Variants in RPH3A observed in about 807,000 individuals in gnomAD.
The protein encoded by RPH3A is rabphilin-3A.
Under a neutral mutation model 102.2 loss-of-function variants are expected in RPH3A, and 48 were observed. That is an observed-to-expected ratio of 0.47 (90% CI 0.37 to 0.60). RPH3A has a LOEUF of 0.60. Among genes scored for constraint, RPH3A ranks in the 20% least tolerant of loss-of-function variants. RPH3A has a pLI of 0.00. For synonymous variants in RPH3A, 310 were observed against 324.3 expected (o/e 0.96, Z 0.47); for missense variants, 781 against 910.1 (o/e 0.86, Z 1.83).
At chr12:112,694,642 G>GCACA (rs2040334399) in intron 1 of RPH3A, among the ~76,000 whole-genome samples, 1 of 140,326 alleles carries the variant, frequency 7.1e-6, no homozygotes, top group African/African-American at 2.8e-5. Flanking sequence ...ACGCGCGCGC[G>GCACA]CGCACACGCA....
chr12:112,668,885 C>A lies in RPH3A; in HGVS notation c.-140+93566C>A, dbSNP rs1045920977. Among the ~76,000 whole-genome samples the A allele has an allele frequency of 3.3e-5, 5 of 151,750 alleles. No homozygotes were observed. In the East Asian group the frequency reaches 9.6e-4, roughly 29 times the overall value. ...CAGCATCCTCAATGCTGCCCTGATTCGACATCCTCAGAACTCCTCATGGCT... is the reference window on the plus strand; with the variant it reads ...CAGCATCCTCAATGCTGCCCTGATTAGACATCCTCAGAACTCCTCATGGCT... On this transcript the variant is annotated intron_variant, in intron 1 of 21. Coordinates refer to the RPH3A transcript ENST00000543106.
At chr12:112,674,375 T>C (rs1014267202) in intron 1 of RPH3A, among the ~76,000 whole-genome samples, 2 of 152,142 alleles carry the variant, frequency 1.3e-5, no homozygotes, top group African/African-American at 4.8e-5. Flanking sequence ...CTGAGATGCA[T>C]GCCAAGCCTT....
intron 2 of RPH3A, among the ~76,000 whole-genome samples, chr12:112,817,198 T>C: frequency 6.6e-6 from 1 of 152,190 alleles, no homozygotes; most frequent in East Asian, 1.9e-4. Flanking sequence ...ACTATCATTG[T>C]TGATCCACAG....
chr12:112,881,890 C>G (rs371576905), intron 15 of RPH3A, 44 bp downstream of exon 15: 317 of 1,503,882 alleles, frequency 2.1e-4, no homozygotes, highest in Non-Finnish European at 2.7e-4. Flanking sequence ...GTGCATGGGC[C>G]CTGGCAGATA....
At chr12:112,801,061 G>C (rs985385880) in intron 2 of RPH3A, among the ~76,000 whole-genome samples, 2 of 152,182 alleles carry the variant, frequency 1.3e-5, no homozygotes, top group African/African-American at 4.8e-5. Context: ...TTGGCAAAGG[G>C]GATGACACCC....
chr12:112,811,569 G>C (rs2136121958), intron 2 of RPH3A, among the ~76,000 whole-genome samples: 1 of 150,092 alleles, frequency 6.7e-6, no homozygotes, highest in African/African-American at 2.4e-5. Context: ...CAGCATAACA[G>C]CTGAAACAAG....
intron 1 of RPH3A, among the ~76,000 whole-genome samples, chr12:112,692,451 TA>T (rs571492736): frequency 7.1e-4 from 108 of 152,156 alleles, no homozygotes; most frequent in African/African-American, 2.6e-3. Context: ...CTGTGTCAAT[TA>T]AAATAAAAGA....
At chr12:112,627,374 A>G (rs532806233) in intron 1 of RPH3A, among the ~76,000 whole-genome samples, 5 of 148,838 alleles carry the variant, frequency 3.4e-5, no homozygotes, top group South Asian at 4.2e-4. Flanking sequence ...ACATAATATA[A>G]ATTATTATAT....
At chr12:112,728,225 A>G (rs2040608754) in intron 1 of RPH3A, among the ~76,000 whole-genome samples, 1 of 152,194 alleles carries the variant, frequency 6.6e-6, no homozygotes, top group South Asian at 2.1e-4. Flanking sequence ...ATGGCAATTT[A>G]TCACCAGTTT....
At chr12:112,828,266 T>C (rs1366927679) in intron 2 of RPH3A, 35 bp from the exon 3 acceptor site, 8 of 1,430,564 alleles carry the variant, frequency 5.6e-6, no homozygotes, top group South Asian at 1.2e-5. Context: ...GGCTGAATGA[T>C]GGGGTGATGT....
intron 1 of RPH3A, among the ~76,000 whole-genome samples, chr12:112,617,044 G>GT (rs781074426): frequency 6.6e-6 from 1 of 152,162 alleles, no homozygotes; most frequent in Non-Finnish European, 1.5e-5. Context: ...CAAGAAGACA[G>GT]TTTTTTCCCT....
At chr12:112,723,130 C>T (rs1187744498) in intron 1 of RPH3A, among the ~76,000 whole-genome samples, 1 of 152,092 alleles carries the variant, frequency 6.6e-6, no homozygotes, top group Non-Finnish European at 1.5e-5. Context: ...ATACAGTTGG[C>T]CCTTGAGCAG....
intron 2 of RPH3A, among the ~76,000 whole-genome samples, chr12:112,793,583 G>C (rs2041168701): frequency 6.6e-6 from 1 of 152,190 alleles, no homozygotes; most frequent in Non-Finnish European, 1.5e-5. Flanking sequence ...TCAAAGATTT[G>C]GTTCTCAAAA....
chr12:112,816,681 C>T (rs559716801), intron 2 of RPH3A, among the ~76,000 whole-genome samples: 2 of 151,350 alleles, frequency 1.3e-5, no homozygotes, highest in African/African-American at 2.5e-5. Flanking sequence ...AAATGACCCA[C>T]GCTTGAGAAT....
At chr12:112,813,375 T>C (rs2041614688) in intron 2 of RPH3A, 1 of 152,254 alleles carries the variant, frequency 6.6e-6, no homozygotes. Context: ...CTCCAGCCAA[T>C]ACTGGCCAAG....
intron 1 of RPH3A, among the ~76,000 whole-genome samples, chr12:112,577,731 T>A (rs1159262708): frequency 6.7e-6 from 1 of 150,136 alleles, no homozygotes; most frequent in East Asian, 2.0e-4. Flanking sequence ...TTTGTAGAGA[T>A]GGGGCCTCAC....
intron 1 of RPH3A, among the ~76,000 whole-genome samples, chr12:112,684,121 T>C (rs937058281): frequency 5.3e-5 from 8 of 152,194 alleles, no homozygotes; most frequent in Admixed American, 2.0e-4. Context: ...ATTAGACTGA[T>C]TCCTAAGAGT....
chr12:112,839,297 G>A (rs902510761), intron 4 of RPH3A, among the ~76,000 whole-genome samples: 3 of 151,926 alleles, frequency 2.0e-5, no homozygotes, highest in Non-Finnish European at 2.9e-5. Flanking sequence ...AGTCTAACAA[G>A]TTTCACTCTT....
At chr12:112,721,889 A>G (rs532172217) in intron 1 of RPH3A, among the ~76,000 whole-genome samples, 1 of 152,342 alleles carries the variant, frequency 6.6e-6, no homozygotes, top group South Asian at 2.1e-4. Flanking sequence ...ATTTTCATGC[A>G]TTTCCAAGTT....
Sources: gnomAD v4.1 joint callset for allele counts (sites outside exome capture counted in the v4.1 genomes callset) on GRCh38, gnomAD v4.1.1 for gene constraint, MANE v1.5 for transcripts, NCBI Gene and HGNC (gene_info 2026-07-23, HGNC 2026-07-21) for gene names.